The following SLX4IP variants were observed in gnomAD, a reference collection of about 807,000 sequenced individuals.
SLX4IP encodes the protein SLX4 interacting protein, also known as protein SLX4IP.
SLX4IP carries 34 observed loss-of-function variants against 32.9 expected under a neutral mutation model. The ratio of observed to expected loss-of-function variants is 1.03; its 90% CI spans 0.79 to 1.38. SLX4IP has a LOEUF of 1.38. SLX4IP is among the 40% of genes most tolerant of loss of function. The probability of loss-of-function intolerance (pLI) is 0.00; values close to 1 mark genes in which losing one functional copy is unlikely to be tolerated. For synonymous variants in SLX4IP, 172 were observed against 171.7 expected, an observed-to-expected ratio of 1.00 and a Z score of -0.01; for missense variants, 444 against 479.0, an observed-to-expected ratio of 0.93 and a Z score of 0.68.
At chr20:10,585,460 T>G (rs551442315) in intron 4 of SLX4IP, among the ~76,000 whole-genome samples, 35 of 152,342 alleles carry the variant, frequency 2.3e-4, no homozygotes, top group Non-Finnish European at 4.4e-4. Flanking sequence ...TTTTCTTCCT[T>G]TTGGCCAGAG....
intron 2 of SLX4IP, among the ~76,000 whole-genome samples, chr20:10,548,208 C>A (rs543541100): frequency 6.6e-6 from 1 of 152,228 alleles, no homozygotes; most frequent in East Asian, 1.9e-4. Context: ...CCAGGACATT[C>A]TCCTATTAGT....
intron 4 of SLX4IP, among the ~76,000 whole-genome samples, chr20:10,590,013 T>C (rs2066688383): frequency 6.6e-6 from 1 of 152,126 alleles, no homozygotes; most frequent in African/African-American, 2.4e-5. Context: ...GCTTCCAAAC[T>C]GCCTCCTCCC....
intron 6 of SLX4IP, among the ~76,000 whole-genome samples, 188 bp from the exon 7 acceptor site, chr20:10,621,126 G>GA (rs1370956434): frequency 2.0e-5 from 3 of 152,184 alleles, no homozygotes; most frequent in East Asian, 3.9e-4. Flanking sequence ...TGTGGACTGG[G>GA]AGTCCAAAAG....
Position 10,613,579 on chromosome 20 carries a change from C to A in SLX4IP, c.406-7735C>A, listed in dbSNP as rs1206446159. On this transcript the variant is annotated intron_variant, in intron 6 of 7. Transcript: ENST00000334534. ...CTCTGAATGGCTGCCTTCAGGCTAT[C>A]CACGCCTTCATCAAGCCCCAACTCC... 1.2e-5 allele frequency: 19 copies of A among 1,612,720 alleles called. No individual in the cohort carries two copies. The East Asian group carries it at 4.2e-4, about 36-fold the overall frequency.
At chr20:10,528,555 A>T (rs965884886) in intron 2 of SLX4IP, among the ~76,000 whole-genome samples, 4 of 152,226 alleles carry the variant, frequency 2.6e-5, no homozygotes, top group African/African-American at 9.6e-5. Context: ...GCCTTGCCAT[A>T]TTCTTGGAAT....
At chr20:10,499,330 C>T (rs1216442966) in intron 2 of SLX4IP, among the ~76,000 whole-genome samples, 2 of 152,150 alleles carry the variant, frequency 1.3e-5, no homozygotes, top group East Asian at 1.9e-4. Flanking sequence ...ACAACATGCA[C>T]GCACACATGC....
chr20:10,528,791 A>G (rs1430147947), intron 2 of SLX4IP, among the ~76,000 whole-genome samples: 1 of 152,220 alleles, frequency 6.6e-6, no homozygotes, highest in African/African-American at 2.4e-5. Flanking sequence ...CCCACTGGTC[A>G]TATTTCCCTG....
intron 2 of SLX4IP, among the ~76,000 whole-genome samples, chr20:10,461,076 G>T (rs2065333585): frequency 6.6e-6 from 1 of 152,190 alleles, no homozygotes; most frequent in Admixed American, 6.5e-5. Flanking sequence ...TTTATTTGAA[G>T]TTTGTTGGAT....
rs73260091 is a variant in SLX4IP at position 10,453,374 on chromosome 20, G to T, written c.-29-4802G>T. On this transcript the variant is annotated intron_variant, in intron 1 of 7. Transcript: ENST00000334534. ...TGCCTCTCCCCTGCGGCCTGCTCTG[G>T]TCTGCACCTGCGCTTCTCCTGTGGT... 7.2e-3 allele frequency among the ~76,000 whole-genome samples: 1,081 copies of T among 151,168 alleles called. 21 individuals are homozygous for T. The highest frequency in any genetic ancestry group is 0.024 in the African/African-American group (1,001 of 41,126).
intron 2 of SLX4IP, among the ~76,000 whole-genome samples, chr20:10,555,369 T>C (rs182840504): frequency 3.5e-4 from 54 of 152,314 alleles, no homozygotes; most frequent in African/African-American, 1.2e-3. Flanking sequence ...TTCACTCATA[T>C]GTGAGGATTT....
chr20:10,522,528 A>G (rs1361935036), intron 2 of SLX4IP, among the ~76,000 whole-genome samples: 2 of 152,174 alleles, frequency 1.3e-5, no homozygotes, highest in Admixed American at 1.3e-4. Flanking sequence ...AAGGAGACAC[A>G]TGGCTCCCGG....
At chr20:10,543,797 A>G (rs1419238134) in intron 2 of SLX4IP, among the ~76,000 whole-genome samples, 1 of 152,190 alleles carries the variant, frequency 6.6e-6, no homozygotes, top group African/African-American at 2.4e-5. Context: ...AATGTGAATA[A>G]AAGGATGTCA....
Position 10,627,134 on chromosome 20 carries a change from T to C in SLX4IP, c.*3755T>C, listed in dbSNP as rs1205543330. ...ACTGTAATATTACACAAAACTGTAA[T>C]GAGTGGCCCTCCTTTGGAGGTAACA... On this transcript the variant is annotated 3_prime_UTR_variant, in exon 8 of 8. Coordinates refer to ENST00000334534, the MANE Select transcript of SLX4IP (RefSeq NM_001009608.3). The C allele has an allele frequency of 6.6e-6, 1 of 152,216 alleles. No homozygotes were observed. The highest frequency in any genetic ancestry group is 2.4e-5 in the African/African-American group (1 of 41,456). The allele number at this position is 152,216 out of a possible 1,614,324, so 9.4% of individuals were successfully genotyped here. A position where few individuals can be genotyped will look rare whatever the true frequency, so the allele number is the denominator to read the frequency against.
chr20:10,446,673 A>G (rs187066035), intron 1 of SLX4IP, among the ~76,000 whole-genome samples: 1 of 152,112 alleles, frequency 6.6e-6, no homozygotes, highest in South Asian at 2.1e-4. Context: ...GTAGATATGT[A>G]GTGATATCTC....
chr20:10,538,345 G>A (rs1037951278), intron 2 of SLX4IP, among the ~76,000 whole-genome samples: 18 of 152,074 alleles, frequency 1.2e-4, no homozygotes, highest in African/African-American at 4.1e-4. Context: ...GATGCCTTGC[G>A]GTGGGAGCTG....
intron 2 of SLX4IP, among the ~76,000 whole-genome samples, chr20:10,496,491 A>G (rs1411932618): frequency 2.6e-5 from 4 of 152,210 alleles, no homozygotes; most frequent in Non-Finnish European, 5.9e-5. Flanking sequence ...TGCACGAAAC[A>G]AAACCTAGAG....
At chr20:10,593,241 C>A (rs780758907) in intron 4 of SLX4IP, among the ~76,000 whole-genome samples, 12 of 152,182 alleles carry the variant, frequency 7.9e-5, no homozygotes, top group Non-Finnish European at 1.5e-4. Context: ...ATCTACAAAT[C>A]CATAATTTTA....
intron 2 of SLX4IP, among the ~76,000 whole-genome samples, chr20:10,549,931 T>C (rs1387885009): frequency 6.6e-6 from 1 of 152,258 alleles, no homozygotes; most frequent in Non-Finnish European, 1.5e-5. Context: ...TGTGGTAATA[T>C]GAAAATATTT....
chr20:10,557,615 C>T (rs1283024775), intron 3 of SLX4IP, among the ~76,000 whole-genome samples: 2 of 152,240 alleles, frequency 1.3e-5, no homozygotes, highest in African/African-American at 4.8e-5. Context: ...ACCCCAAAAT[C>T]TTCTGACTTG....
Sources: allele counts gnomAD v4.1 joint callset (sites outside exome capture counted in the v4.1 genomes callset), GRCh38; gene constraint gnomAD v4.1.1; transcripts MANE v1.5; gene names NCBI Gene and HGNC (gene_info 2026-07-23, HGNC 2026-07-21).